CNR2: variants seen among roughly 807,000 people sequenced by gnomAD.
The protein encoded by CNR2 is cannabinoid receptor 2 (macrophage).
For missense variants in CNR2, 379 were observed against 439.9 expected (o/e 0.86, Z 1.24); for synonymous variants, 172 against 182.2 (o/e 0.94, Z 0.45).
intron 1 of CNR2, chr1:23,901,495 G>T: frequency 6.3e-7 from 1 of 1,581,776 alleles, no homozygotes; most frequent in Non-Finnish European, 8.6e-7. Flanking sequence ...TGAGCTCAGG[G>T]ATCTGCCCAC....
At chr1:23,906,180 C>A (rs1281830821) in intron 1 of CNR2, among the ~76,000 whole-genome samples, 1 of 152,104 alleles carries the variant, frequency 6.6e-6, no homozygotes, top group Non-Finnish European at 1.5e-5. Context: ...GTCTTCCCCC[C>A]TCAGACTCTC....
intron 1 of CNR2, among the ~76,000 whole-genome samples, chr1:23,880,880 T>A (rs1639973328): frequency 6.7e-6 from 1 of 149,402 alleles, no homozygotes; most frequent in African/African-American, 2.4e-5. Context: ...TAAATATAAA[T>A]TAACATATTA....
intron 1 of CNR2, among the ~76,000 whole-genome samples, chr1:23,906,256 C>T (rs1177516833): frequency 2.6e-5 from 4 of 152,012 alleles, no homozygotes; most frequent in African/African-American, 9.7e-5. Context: ...GCTGTGTTCT[C>T]TCGTGCAAAT....
Position 23,871,811 on chromosome 1 carries a change from G to A in CNR2, c.*2724C>T, listed in dbSNP as rs776375008. 2 of 151,992 alleles carry A rather than the reference G, an allele frequency of 1.3e-5. No homozygotes were observed. Among genetic ancestry groups the A allele is most frequent in the Non-Finnish European group, 2.9e-5 (2 of 68,008 alleles). 9.4% of individuals were successfully genotyped at this position (151,992 alleles called of 1,614,324 possible). ...AGTCATACTATTAGGATTAGGGTGGGCCCAAATCCAGTGACTGATATTCTT... is the reference window on the plus strand; with the variant it reads ...AGTCATACTATTAGGATTAGGGTGGACCCAAATCCAGTGACTGATATTCTT... On this transcript the variant is annotated 3_prime_UTR_variant, in exon 2 of 2. Transcript: ENST00000374472.
chr1:23,874,705 C>T lies in CNR2; in HGVS notation c.913G>A (p.Glu305Lys), dbSNP rs752079780. ...NPVIYALRSG[E>K]IRSSAHHCLA... The stretch of plus-strand genomic sequence containing the variant: ...CAGTGATGGGCAGAGGAGCGGATCT[C>T]TCCACTCCGTAGAGCATAGATGACA... Residue 305 changes from glutamate to lysine, a missense_variant, in exon 2 of 2, where the codon GAG becomes AAG. Physicochemically the swap from Glu to Lys is moderately conservative, Grantham distance 56. Transcript: ENST00000374472. 5 of 1,613,852 alleles carry T rather than the reference C, an allele frequency of 3.1e-6. No individual in the cohort carries two copies. Among genetic ancestry groups the T allele is most frequent in the Non-Finnish European group, 3.4e-6 (4 of 1,179,746 alleles).
chr1:23,887,862 A>G (rs1428105526), intron 1 of CNR2, among the ~76,000 whole-genome samples: 1 of 152,222 alleles, frequency 6.6e-6, no homozygotes, highest in Non-Finnish European at 1.5e-5. Flanking sequence ...AAGTTAAAAA[A>G]AAAAAATTAA....
At chr1:23,905,021 G>A (rs1485364885) in intron 1 of CNR2, among the ~76,000 whole-genome samples, 1 of 152,112 alleles carries the variant, frequency 6.6e-6, no homozygotes, top group Non-Finnish European at 1.5e-5. Flanking sequence ...ATTCAGGCTG[G>A]TTCCCAGAAC....
intron 1 of CNR2, among the ~76,000 whole-genome samples, chr1:23,899,577 A>G (rs1640346248): frequency 6.6e-6 from 1 of 151,238 alleles, no homozygotes; most frequent in Non-Finnish European, 1.5e-5. Context: ...GCACTTTGGG[A>G]GGCTGAGGCG....
intron 1 of CNR2, among the ~76,000 whole-genome samples, chr1:23,882,271 T>C (rs998732163): frequency 7.2e-5 from 11 of 152,092 alleles, no homozygotes; most frequent in African/African-American, 1.2e-4. Flanking sequence ...TCGTAGTTCA[T>C]AAGCGTGATG....
At position 23,872,485 on chromosome 1, in the gene CNR2, C is replaced by G. The variant is rs1165365247; in HGVS notation, c.*2050G>C. 2 of 152,106 alleles carry G rather than the reference C, an allele frequency of 1.3e-5. No individual in the cohort carries two copies. Among genetic ancestry groups the G allele is most frequent in the East Asian group, 1.9e-4 (1 of 5,176 alleles). 9.4% of individuals were successfully genotyped at this position (152,106 alleles called of 1,614,324 possible). ...TGCAGCAATCTGATGCTACAGATAG[C>G]TAATATTATCCCTAATGAGCAATAA... On this transcript the variant is annotated 3_prime_UTR_variant, in exon 2 of 2. Transcript: ENST00000374472.
chr1:23,875,721 C>A (rs1639864366), intron 1 of CNR2, 59 bp from the exon 2 acceptor site: 1 of 1,373,958 alleles, frequency 7.3e-7, no homozygotes, highest in Non-Finnish European at 9.8e-7. Flanking sequence ...AATGACCTCA[C>A]CTGATAACTG....
chr1:23,911,227 G>A (rs550660034), intron 1 of CNR2, among the ~76,000 whole-genome samples: 7 of 152,122 alleles, frequency 4.6e-5, no homozygotes, highest in Admixed American at 3.3e-4. Flanking sequence ...ATTGTCCTTG[G>A]CTGGGAGGGG....
chr1:23,902,330 G>T, intron 1 of CNR2: 1 of 1,563,094 alleles, frequency 6.4e-7, no homozygotes, highest in South Asian at 1.2e-5. Flanking sequence ...GCTGGGTCAG[G>T]TCGGGCTCCT....
chr1:23,887,454 A>G (rs1640111035), intron 1 of CNR2, among the ~76,000 whole-genome samples: 1 of 152,204 alleles, frequency 6.6e-6, no homozygotes, highest in Admixed American at 6.5e-5. Flanking sequence ...GGCTGGCTTC[A>G]GGTCTCATCT....
chr1:23,886,509 C>T (rs7537808), intron 1 of CNR2, among the ~76,000 whole-genome samples: 108,927 of 152,174 alleles, frequency 0.72, 39,710 homozygotes, highest in Middle Eastern at 0.79. Context: ...TTAATAACCA[C>T]GCATGTTGGT....
chr1:23,888,051 T>C (rs1186107239), intron 1 of CNR2, among the ~76,000 whole-genome samples: 1 of 152,218 alleles, frequency 6.6e-6, no homozygotes, highest in South Asian at 2.1e-4. Flanking sequence ...ACAGCCTTTA[T>C]TCTTGCTCTT....
intron 1 of CNR2, chr1:23,902,657 C>A (rs1250263708): frequency 6.3e-7 from 1 of 1,595,588 alleles, no homozygotes; most frequent in Admixed American, 1.7e-5. Flanking sequence ...TCCTGGTCGC[C>A]CCCGGGGGTC....
chr1:23,881,263 G>A (rs996740726), intron 1 of CNR2, among the ~76,000 whole-genome samples: 1 of 151,762 alleles, frequency 6.6e-6, no homozygotes, highest in African/African-American at 2.4e-5. Context: ...GTGACAGAGT[G>A]AGACTCCGTC....
intron 1 of CNR2, among the ~76,000 whole-genome samples, chr1:23,906,279 T>G (rs1277538539): frequency 6.6e-6 from 1 of 152,036 alleles, no homozygotes; most frequent in African/African-American, 2.4e-5. Context: ...CGTCGTCTCC[T>G]TGAGCCCCAC....
Sources: allele counts gnomAD v4.1 joint callset (sites outside exome capture counted in the v4.1 genomes callset), GRCh38; gene constraint gnomAD v4.1.1; transcripts MANE v1.5; gene names NCBI Gene and HGNC (gene_info 2026-07-23, HGNC 2026-07-21).